The following ABCC8 variants were observed in gnomAD, a reference collection of about 807,000 sequenced individuals.
ABCC8 encodes the protein ATP binding cassette subfamily C member 8.
A neutral mutation model predicts 188.0 loss-of-function variants in ABCC8; 137 were observed. That is an observed-to-expected ratio of 0.73 (90% CI 0.63 to 0.84). The LOEUF is 0.84. ABCC8 is among the 40% of genes least tolerant of loss of function. The probability of loss-of-function intolerance (pLI) is 0.00; values close to 1 mark genes in which losing one functional copy is unlikely to be tolerated. For synonymous variants in ABCC8, 797 were observed against 846.5 expected, an observed-to-expected ratio of 0.94 and a Z score of 1.01; for missense variants, 1,750 against 2,072.7, an observed-to-expected ratio of 0.84 and a Z score of 3.02.
chr11:17,452,868 G>T (rs1799459121), intron 7 of ABCC8, among the ~76,000 whole-genome samples: 1 of 152,174 alleles, frequency 6.6e-6, no homozygotes, highest in African/African-American at 2.4e-5. Context: ...CTGAGCAGCT[G>T]GATTTTCAGA....
intron 3 of ABCC8, among the ~76,000 whole-genome samples, chr11:17,467,657 G>A (rs1164082677): frequency 6.6e-6 from 1 of 152,202 alleles, no homozygotes; most frequent in Non-Finnish European, 1.5e-5. Flanking sequence ...AATGTAAGCT[G>A]CATCACAGGT....
chr11:17,430,445 A>G, intron 12 of ABCC8: 1 of 360,468 alleles, frequency 2.8e-6, no homozygotes, highest in Non-Finnish European at 5.4e-6. Flanking sequence ...TCCATGGGGC[A>G]GCCACGTGGG....
At chr11:17,460,409 A>G (rs948423071) in intron 6 of ABCC8, 79 bp downstream of exon 6, 4 of 1,605,356 alleles carry the variant, frequency 2.5e-6, no homozygotes, top group Admixed American at 3.3e-5. Flanking sequence ...CATGGCTCAC[A>G]CACATTGGCC....
chr11:17,404,420 C>T lies in ABCC8; in HGVS notation c.3557+92G>A, dbSNP rs183657883. 42 of 1,321,600 alleles carry T rather than the reference C, an allele frequency of 3.2e-5. No individual in the cohort carries two copies. The highest frequency in any genetic ancestry group is 1.0e-4 in the African/African-American group (7 of 69,122). 81.9% of individuals were successfully genotyped at this position (1,321,600 alleles called of 1,614,324 possible). A position where few individuals can be genotyped will look rare whatever the true frequency, so the allele number is the denominator to read the frequency against. ...TTGTTTTTATTTTTTGGAGGGAACA[C>T]GACCCTATTACTCTCATAACGATGA... On this transcript the variant is annotated intron_variant, in intron 28 of 38. Coordinates refer to ENST00000389817, the MANE Select transcript of ABCC8 (RefSeq NM_000352.6). The surrounding 1 kb of genome is among the most constrained non-coding windows in gnomAD (Gnocchi z 4.7).
intron 10 of ABCC8, chr11:17,435,811 A>G: frequency 5.5e-6 from 7 of 1,281,134 alleles, no homozygotes; most frequent in Middle Eastern, 1.8e-4. Context: ...ATGATACATG[A>G]GAGGGAAGAT....
At chr11:17,408,952 C>CTTT (rs376681171) in intron 22 of ABCC8, among the ~76,000 whole-genome samples, 27 of 125,788 alleles carry the variant, frequency 2.1e-4, no homozygotes, top group Admixed American at 3.4e-4. Flanking sequence ...ATCAATAAAT[C>CTTT]TTTTTTTTTT....
intron 17 of ABCC8, among the ~76,000 whole-genome samples, chr11:17,416,467 C>T (rs935253308): frequency 1.3e-5 from 2 of 151,906 alleles, no homozygotes; most frequent in Admixed American, 1.3e-4. Flanking sequence ...TCTTTCCTGT[C>T]ACTTAAAAAA....
intron 8 of ABCC8, among the ~76,000 whole-genome samples, chr11:17,446,327 G>A (rs187113273): frequency 6.6e-6 from 1 of 152,090 alleles, no homozygotes; most frequent in Non-Finnish European, 1.5e-5. Context: ...GTAGCCTTTT[G>A]AATGCTGTGT....
At chr11:17,433,955 G>T (rs567420748) in intron 10 of ABCC8, among the ~76,000 whole-genome samples, 1 of 152,170 alleles carries the variant, frequency 6.6e-6, no homozygotes, top group Non-Finnish European at 1.5e-5. Flanking sequence ...AGGAAACAGC[G>T]TAAGTATTAT....
rs60712581 is a variant in ABCC8, at chr11:17,399,298, A to C, written c.3651-857T>G. Among the ~76,000 whole-genome samples, 631 of 124,642 alleles carry C rather than the reference A, an allele frequency of 5.1e-3. 24 individuals are homozygous for C. Among genetic ancestry groups the C allele is most frequent in the African/African-American group, 0.019 (594 of 31,768 alleles). 81.8% of individuals were successfully genotyped at this position (124,642 alleles called of 152,430 possible). ...CTCAAAAAAAAAAAAAAAAAAAAAA[A>C]AAAAAACAAATAAAAAAGAATATTA... On this transcript the variant is annotated intron_variant, in intron 29 of 38. Coordinates refer to ENST00000389817, the MANE Select transcript of ABCC8 (RefSeq NM_000352.6).
At chr11:17,434,064 T>G (rs1022766507) in intron 10 of ABCC8, among the ~76,000 whole-genome samples, 5 of 152,152 alleles carry the variant, frequency 3.3e-5, no homozygotes, top group African/African-American at 1.2e-4. Context: ...CCATCAGACC[T>G]AGGACCTTGA....
At chr11:17,473,793 G>A (rs1221640410) in intron 2 of ABCC8, among the ~76,000 whole-genome samples, 1 of 152,164 alleles carries the variant, frequency 6.6e-6, no homozygotes, top group Non-Finnish European at 1.5e-5. Context: ...AGCCTGCGCT[G>A]AACACCTCAG....
chr11:17,393,134 C>T lies in ABCC8; in HGVS notation c.4609-6G>A. On this transcript the variant is annotated splice_polypyrimidine_tract_variant and splice_region_variant and intron_variant, in intron 38 of 38. Transcript: ENST00000389817. ...AGGATGGTGTGCACTCGATGCTGGG[C>T]AGGGCAGGAGGGGGCGGGTCAGGAT... The T allele has an allele frequency of 6.2e-7, 1 of 1,613,492 alleles. No homozygotes were observed. Among genetic ancestry groups the T allele is most frequent in the Non-Finnish European group, 8.5e-7 (1 of 1,179,920 alleles).
Position 17,442,847 on chromosome 11 carries a change from C to G in ABCC8, c.1503G>C (p.Glu501Asp). 1 of 1,614,028 alleles carries G rather than the reference C, an allele frequency of 6.2e-7. No homozygotes were observed. The highest frequency in any genetic ancestry group is 1.3e-5 in the African/African-American group (1 of 75,034). The change falls in exon 10 of 39, where the codon GAG becomes GAC. Residue 501 changes from glutamate to aspartate, a missense_variant. Transcript: ENST00000389817. Reference protein sequence around the residue: ...YSNERLKQTNEMLRGIKLLKL... With the variant: ...YSNERLKQTNDMLRGIKLLKL... ...TCAGCAGCTTGATGCCGCGGAGCAT[C>G]TCGTTGGTCTGCTTCAGCCGCTCAT...
intron 2 of ABCC8, among the ~76,000 whole-genome samples, chr11:17,473,285 C>A (rs550535205): frequency 5.3e-5 from 8 of 151,952 alleles, no homozygotes; most frequent in Non-Finnish European, 7.4e-5. Flanking sequence ...GGGGTGGAGG[C>A]GGACTTGTCA....
At chr11:17,397,593 G>C (rs1036952819) in intron 31 of ABCC8, 91 bp downstream of exon 31, 1 of 1,504,696 alleles carries the variant, frequency 6.6e-7, no homozygotes, top group Non-Finnish European at 9.0e-7. Context: ...ATTGGGGTAA[G>C]GCCTGGGAGT....
Position 17,395,431 on chromosome 11 carries a change from A to G in ABCC8, c.4308-156T>C, listed in dbSNP as rs944143890. On this transcript the variant is annotated intron_variant, in intron 35 of 38. Coordinates refer to ENST00000389817, the MANE Select transcript of ABCC8 (RefSeq NM_000352.6). Reference sequence around the variant, plus strand: ...CAGTGGGTGGGGGACAGCATCTTAGACCCATGGGTGGGGGATCCCCTTCCA... The same window carrying G: ...CAGTGGGTGGGGGACAGCATCTTAGGCCCATGGGTGGGGGATCCCCTTCCA... The G allele has an allele frequency of 1.0e-5, 15 of 1,487,618 alleles. No homozygotes were observed. In the South Asian group the frequency reaches 1.9e-4, roughly 19 times the overall value. The allele number at this position is 1,487,618 out of a possible 1,614,324, so 92.2% of individuals were successfully genotyped here. A position where few individuals can be genotyped will look rare whatever the true frequency, so the allele number is the denominator to read the frequency against.
At chr11:17,458,208 A>G (rs1422699830) in intron 6 of ABCC8, among the ~76,000 whole-genome samples, 2 of 152,182 alleles carry the variant, frequency 1.3e-5, no homozygotes, top group Admixed American at 1.3e-4. Context: ...GCTGCAGGGA[A>G]AAAATATTAA....
chr11:17,448,756 G>A, intron 7 of ABCC8, 85 bp from the exon 8 acceptor site: 1 of 1,610,396 alleles, frequency 6.2e-7, no homozygotes, highest in Admixed American at 1.7e-5. Flanking sequence ...CAGTGTGCCA[G>A]GGGCTTCTCA....
Sources: allele counts gnomAD v4.1 joint callset (sites outside exome capture counted in the v4.1 genomes callset), GRCh38; gene constraint gnomAD v4.1.1; non-coding constraint Gnocchi (gnomAD v3.1); transcripts MANE v1.5; gene names NCBI Gene and HGNC (gene_info 2026-07-23, HGNC 2026-07-21).